RAPGEF5: variants seen among roughly 807,000 people sequenced by gnomAD.
RAPGEF5 encodes Rap guanine nucleotide exchange factor 5.
RAPGEF5 carries 65 observed loss-of-function variants against 125.2 expected under a neutral mutation model. The observed-to-expected ratio is 0.52, with a 90% CI of 0.43 to 0.64. RAPGEF5 has a LOEUF of 0.64. Among genes scored for constraint, RAPGEF5 ranks in the 30% least tolerant of loss-of-function variants. The pLI is 0.00. For synonymous variants in RAPGEF5, 391 were observed against 385.9 expected (o/e 1.01, Z -0.16); for missense variants, 958 against 1,048.1 (o/e 0.91, Z 1.19).
intron 7 of RAPGEF5, among the ~76,000 whole-genome samples, chr7:22,232,018 G>A (rs1301420815): frequency 6.6e-6 from 1 of 152,180 alleles, no homozygotes; most frequent in Admixed American, 6.5e-5. Flanking sequence ...AATGTTGCCT[G>A]CAGATGACAA....
At chr7:22,245,283 C>T (rs1266353376) in intron 7 of RAPGEF5, among the ~76,000 whole-genome samples, 1 of 152,158 alleles carries the variant, frequency 6.6e-6, no homozygotes. Context: ...CTGTTAATTA[C>T]TCCCTTTCTT....
At position 22,146,975 on chromosome 7, in the gene RAPGEF5, C is replaced by G; in HGVS notation, c.1929G>C (p.Arg643Ser). 1 of 1,613,738 alleles carries G rather than the reference C, an allele frequency of 6.2e-7. No homozygotes were observed. Among genetic ancestry groups the G allele is most frequent in the Non-Finnish European group, 8.5e-7 (1 of 1,179,784 alleles). The change falls in exon 19 of 26, where the codon AGG (arginine) becomes AGC (serine). Residue 643 changes from arginine (R) to serine (S), a missense_variant. Arg to Ser is a moderately radical substitution (Grantham distance 110). Coordinates refer to ENST00000665637, the MANE Select transcript of RAPGEF5 (RefSeq NM_012294.5). ...ENEESQQRSM[R>S]ILGMNTWDLA... ...GATCCCAAGTGTTCATTCCCAAAAT[C>G]CTCATCGACCTTTGCTGTGATTCCT...
intron 20 of RAPGEF5, among the ~76,000 whole-genome samples, chr7:22,144,225 T>TA (rs1462744793): frequency 6.6e-6 from 1 of 152,210 alleles, no homozygotes; most frequent in African/African-American, 2.4e-5. Context: ...CGCACCCAGG[T>TA]ATAATGATTG....
At chr7:22,136,584 T>C (rs543533468) in intron 22 of RAPGEF5, among the ~76,000 whole-genome samples, 3 of 151,970 alleles carry the variant, frequency 2.0e-5, no homozygotes, top group Admixed American at 6.6e-5. Context: ...ATCTAAGAAA[T>C]TGTAAAAAGG....
chr7:22,244,545 T>C (rs1402844339), intron 7 of RAPGEF5, among the ~76,000 whole-genome samples: 1 of 152,034 alleles, frequency 6.6e-6, no homozygotes, highest in Non-Finnish European at 1.5e-5. Flanking sequence ...CTGTCTCCCA[T>C]CACCCCCAGA....
chr7:22,184,029 T>A (rs968972768), intron 11 of RAPGEF5, among the ~76,000 whole-genome samples: 2 of 152,220 alleles, frequency 1.3e-5, no homozygotes, highest in Non-Finnish European at 2.9e-5. Flanking sequence ...GTTTCTGGCA[T>A]GCTCTAGACT....
chr7:22,248,021 G>A (rs1309787872), intron 7 of RAPGEF5, among the ~76,000 whole-genome samples: 4 of 152,144 alleles, frequency 2.6e-5, no homozygotes, highest in Admixed American at 2.6e-4. Flanking sequence ...TACGTACCAT[G>A]CTCAGTACCT....
At chr7:22,277,011 T>C (rs1018571162) in intron 6 of RAPGEF5, among the ~76,000 whole-genome samples, 3 of 152,234 alleles carry the variant, frequency 2.0e-5, no homozygotes, top group Non-Finnish European at 4.4e-5. Context: ...ACAATCAGTA[T>C]TTCCTCCATT....
intron 1 of RAPGEF5, among the ~76,000 whole-genome samples, chr7:22,322,414 T>G (rs932218861): frequency 6.6e-6 from 1 of 152,092 alleles, no homozygotes; most frequent in Non-Finnish European, 1.5e-5. Context: ...CCCAGAGTGC[T>G]GGGATTACCG....
At chr7:22,276,987 T>C (rs1229585566) in intron 6 of RAPGEF5, among the ~76,000 whole-genome samples, 1 of 152,220 alleles carries the variant, frequency 6.6e-6, no homozygotes, top group African/African-American at 2.4e-5. Flanking sequence ...TCCACCTAAA[T>C]TATAAACTCT....
intron 5 of RAPGEF5, among the ~76,000 whole-genome samples, chr7:22,296,888 A>G (rs1459374769): frequency 1.3e-5 from 2 of 152,226 alleles, no homozygotes; most frequent in African/African-American, 4.8e-5. Context: ...GACATGATCA[A>G]TTGTGCCAAA....
chr7:22,236,008 A>G (rs904709782), intron 7 of RAPGEF5, among the ~76,000 whole-genome samples: 1 of 152,162 alleles, frequency 6.6e-6, no homozygotes, highest in African/African-American at 2.4e-5. Context: ...AAGCCACTCC[A>G]TATGGTATTA....
chr7:22,188,687 A>C (rs1194606458), intron 11 of RAPGEF5, among the ~76,000 whole-genome samples: 1 of 150,762 alleles, frequency 6.6e-6, no homozygotes, highest in Non-Finnish European at 1.5e-5. Flanking sequence ...AATCGCTTGA[A>C]CTTGGGAGGT....
intron 5 of RAPGEF5, among the ~76,000 whole-genome samples, chr7:22,301,569 C>A (rs940867335): frequency 2.1e-5 from 3 of 140,238 alleles, no homozygotes; most frequent in African/African-American, 5.4e-5. Context: ...AAGCCGAGAT[C>A]GTGCCACTGC....
intron 11 of RAPGEF5, among the ~76,000 whole-genome samples, chr7:22,182,835 A>G (rs1160861603): frequency 6.6e-6 from 1 of 152,074 alleles, no homozygotes; most frequent in Non-Finnish European, 1.5e-5. Flanking sequence ...TTTTTATGAG[A>G]AAAAACAAGT....
chr7:22,136,044 G>A lies in RAPGEF5; in HGVS notation c.2410C>T (p.Leu804Phe), dbSNP rs769238444. 2.0e-5 allele frequency: 32 copies of A among 1,595,152 alleles called. No homozygotes were observed. In the Admixed American group the frequency reaches 3.4e-4, roughly 17 times the overall value. The change falls in exon 23 of 26, where the codon CTT (leucine) becomes TTT (phenylalanine). Residue 804 changes from leucine to phenylalanine, a missense_variant. Leu to Phe is a conservative substitution (Grantham distance 22). Coordinates refer to ENST00000665637, the MANE Select transcript of RAPGEF5 (RefSeq NM_012294.5). ...PPKIPFMPLL[L>F]KDVTFIHEGN... ...AAAGATAGAAAATCATTACCTTTAA[G>A]CAATAAGGGCATGAAAGGGATTTTT...
At chr7:22,208,536 G>A (rs1393662774) in intron 9 of RAPGEF5, among the ~76,000 whole-genome samples, 1 of 152,168 alleles carries the variant, frequency 6.6e-6, no homozygotes, top group Admixed American at 6.5e-5. Context: ...GCCTCTGTCT[G>A]AAGACCAGTG....
intron 1 of RAPGEF5, among the ~76,000 whole-genome samples, chr7:22,331,258 T>C (rs187428140): frequency 2.6e-4 from 39 of 152,328 alleles, no homozygotes; most frequent in African/African-American, 8.4e-4. Context: ...TTTAAAGCAG[T>C]TCCTAAGCTG....
intron 6 of RAPGEF5, among the ~76,000 whole-genome samples, chr7:22,283,892 T>A (rs908561398): frequency 1.3e-5 from 2 of 152,182 alleles, no homozygotes; most frequent in African/African-American, 2.4e-5. Flanking sequence ...TAAAGATAAA[T>A]TTCCCCCTGC....
Sources: gnomAD v4.1 joint callset for allele counts (sites outside exome capture counted in the v4.1 genomes callset) on GRCh38, gnomAD v4.1.1 for gene constraint, MANE v1.5 for transcripts, NCBI Gene and HGNC (gene_info 2026-07-23, HGNC 2026-07-21) for gene names.